Variants in CTNND2 observed in about 807,000 individuals in gnomAD.
The protein encoded by CTNND2 is catenin delta-2.
Under a neutral mutation model 144.4 loss-of-function variants are expected in CTNND2, and 22 were observed. The observed-to-expected ratio is 0.15, with a 90% CI of 0.11 to 0.22. CTNND2 has a LOEUF of 0.22. CTNND2 is among the 10% of genes least tolerant of loss of function. The pLI, the probability that CTNND2 is intolerant of heterozygous loss-of-function variation, is 1.00. For missense variants in CTNND2, 1,353 were observed against 1,618.8 expected (o/e 0.84, Z 2.82); for synonymous variants, 751 against 695.6 (o/e 1.08, Z -1.25).
intron 1 of CTNND2, among the ~76,000 whole-genome samples, chr5:11,842,997 G>T (rs1192930988): frequency 6.6e-6 from 1 of 152,034 alleles, no homozygotes; most frequent in Non-Finnish European, 1.5e-5. Flanking sequence ...CATTAACTTG[G>T]CTCAGTCTAG....
intron 2 of CTNND2, among the ~76,000 whole-genome samples, chr5:11,630,122 T>C (rs1781343913): frequency 6.6e-6 from 1 of 152,212 alleles, no homozygotes; most frequent in South Asian, 2.1e-4. Flanking sequence ...TCACTCAACA[T>C]TGTGCTTCTT....
intron 1 of CTNND2, among the ~76,000 whole-genome samples, chr5:11,822,571 C>T (rs139952666): frequency 1.3e-4 from 20 of 152,038 alleles, no homozygotes; most frequent in South Asian, 4.2e-4. Context: ...CACACAACAA[C>T]GTTGATGGGA....
At chr5:11,150,485 C>T (rs530337194) in intron 12 of CTNND2, among the ~76,000 whole-genome samples, 15 of 152,000 alleles carry the variant, frequency 9.9e-5, no homozygotes, top group African/African-American at 3.6e-4. Context: ...AATTAAGGAC[C>T]AACCAGACTC....
chr5:11,131,639 A>AT (rs1755608488), intron 12 of CTNND2, among the ~76,000 whole-genome samples: 1 of 152,162 alleles, frequency 6.6e-6, no homozygotes. Flanking sequence ...AATAAAAAAA[A>AT]TTAGCCAGGC....
At chr5:11,147,227 C>G (rs1435267194) in intron 12 of CTNND2, among the ~76,000 whole-genome samples, 5 of 152,114 alleles carry the variant, frequency 3.3e-5, no homozygotes, top group Non-Finnish European at 5.9e-5. Flanking sequence ...CAAGAATATC[C>G]CTCCAAATTG....
chr5:11,669,564 T>A (rs1301375851), intron 2 of CTNND2, among the ~76,000 whole-genome samples: 4 of 152,216 alleles, frequency 2.6e-5, no homozygotes, highest in African/African-American at 9.6e-5. Flanking sequence ...GTGTTTATAA[T>A]ACTATTCTCT....
intron 5 of CTNND2, among the ~76,000 whole-genome samples, chr5:11,404,602 CTTTTTTT>C (rs555388304): frequency 5.2e-5 from 3 of 57,382 alleles, no homozygotes; most frequent in Admixed American, 3.2e-4. Flanking sequence ...TATCTGTATT[CTTTTTTT>C]TTTTTTTTTT....
At chr5:11,853,692 C>G (rs961382581) in intron 1 of CTNND2, among the ~76,000 whole-genome samples, 5 of 152,152 alleles carry the variant, frequency 3.3e-5, no homozygotes, top group Admixed American at 2.0e-4. Flanking sequence ...TCATTTGGTG[C>G]CAATTGCATC....
At chr5:11,328,932 T>C (rs1270967736) in intron 9 of CTNND2, among the ~76,000 whole-genome samples, 2 of 152,150 alleles carry the variant, frequency 1.3e-5, no homozygotes, top group Non-Finnish European at 2.9e-5. Context: ...TAAACAGGAA[T>C]TTATTTTCTC....
At chr5:11,684,063 T>C (rs924096605) in intron 2 of CTNND2, among the ~76,000 whole-genome samples, 1 of 152,196 alleles carries the variant, frequency 6.6e-6, no homozygotes, top group Non-Finnish European at 1.5e-5. Context: ...GACAGACAGC[T>C]ACTATTAGGT....
chr5:11,055,880 C>T (rs6867837), intron 16 of CTNND2, among the ~76,000 whole-genome samples: 2,818 of 152,280 alleles, frequency 0.019, 93 homozygotes, highest in African/African-American at 0.064. Context: ...GGTTGGCTCA[C>T]GGTGGGATGT....
chr5:11,399,644 C>A lies in CTNND2; in HGVS notation c.440-2441G>T, dbSNP rs550206038. On this transcript the variant is annotated intron_variant, in intron 5 of 21. Coordinates refer to ENST00000304623, the MANE Select transcript of CTNND2 (RefSeq NM_001332.4). ...AATATATATGATAGAATAATGAAAT[C>A]TCTTCATCTTTTATAGAATCAGTTG... Among the ~76,000 whole-genome samples the A allele has an allele frequency of 4.6e-5, 7 of 152,322 alleles. 1 individual carries two copies. The highest frequency in any genetic ancestry group is 4.1e-4 in the South Asian group (2 of 4,826).
At chr5:11,714,249 A>C (rs1303207470) in intron 2 of CTNND2, among the ~76,000 whole-genome samples, 1 of 152,226 alleles carries the variant, frequency 6.6e-6, no homozygotes, top group Non-Finnish European at 1.5e-5. Context: ...CCTTCCAGAC[A>C]GAAAAACAAA....
At chr5:11,630,362 T>C (rs140034931) in intron 2 of CTNND2, among the ~76,000 whole-genome samples, 82 of 152,302 alleles carry the variant, frequency 5.4e-4, no homozygotes, top group African/African-American at 1.9e-3. Flanking sequence ...ATCTCATCAA[T>C]TCAGTCCACT....
At chr5:11,901,068 T>C (rs1311139939) in intron 1 of CTNND2, among the ~76,000 whole-genome samples, 1 of 152,232 alleles carries the variant, frequency 6.6e-6, no homozygotes, top group African/African-American at 2.4e-5. Flanking sequence ...TCTATTTTAA[T>C]TCAATTGGCT....
chr5:11,462,747 A>G (rs1360759750), intron 3 of CTNND2, among the ~76,000 whole-genome samples: 1 of 152,176 alleles, frequency 6.6e-6, no homozygotes, highest in Non-Finnish European at 1.5e-5. Context: ...TGTTTTTAAT[A>G]ATTTTTAATA....
intron 2 of CTNND2, among the ~76,000 whole-genome samples, chr5:11,684,745 T>C (rs1487247889): frequency 6.6e-6 from 1 of 152,216 alleles, no homozygotes; most frequent in African/African-American, 2.4e-5. Context: ...ATTGTTCCTA[T>C]AGTTGCTATG....
At chr5:11,097,845 TTC>T (rs1176083446) in intron 15 of CTNND2, among the ~76,000 whole-genome samples, 1 of 152,224 alleles carries the variant, frequency 6.6e-6, no homozygotes, top group Non-Finnish European at 1.5e-5. Flanking sequence ...TCTCTTGGTA[TTC>T]TCCCCACCTG....
At chr5:11,250,418 T>C (rs896938883) in intron 9 of CTNND2, among the ~76,000 whole-genome samples, 3 of 149,336 alleles carry the variant, frequency 2.0e-5, no homozygotes, top group African/African-American at 7.4e-5. Flanking sequence ...GTAATTAATT[T>C]GAAAATTAAT....
Sources: gnomAD v4.1 joint callset for allele counts (sites outside exome capture counted in the v4.1 genomes callset) on GRCh38, gnomAD v4.1.1 for gene constraint, MANE v1.5 for transcripts, NCBI Gene and HGNC (gene_info 2026-07-23, HGNC 2026-07-21) for gene names.